Variants in LAPTM5 observed in about 807,000 individuals in gnomAD.
The protein encoded by LAPTM5 is lysosomal-associated transmembrane protein 5.
LAPTM5 carries 11 observed loss-of-function variants against 30.1 expected under a neutral mutation model. The observed-to-expected ratio is 0.37, with a 90% confidence interval of 0.23 to 0.60. LAPTM5 has a LOEUF of 0.60. LAPTM5 is among the 20% of genes least tolerant of loss of function. LAPTM5 has a pLI of 0.71. For missense variants in LAPTM5, 324 were observed against 332.5 expected (o/e 0.97, Z 0.20); for synonymous variants, 151 against 137.9 (o/e 1.10, Z -0.67).
rs1178539632 is a variant in LAPTM5, at chr1:30,746,042, C to A, written c.88-3493G>T. On this transcript the variant is annotated intron_variant, in intron 1 of 7. Coordinates refer to ENST00000294507, the MANE Select transcript of LAPTM5 (RefSeq NM_006762.3). The surrounding 1 kb of genome is among the most constrained non-coding windows in gnomAD (Gnocchi z 4.0). The stretch of plus-strand genomic sequence containing the variant: ...AGGATCTCTCTAGCCATCTGCCCAC[C>A]CTTCCCTGGCAACCAAGCCCCAGCC... 1.3e-5 allele frequency: 2 copies of A among 152,298 alleles called. No homozygotes were observed. The highest frequency in any genetic ancestry group is 4.8e-5 in the African/African-American group (2 of 41,430). 9.4% of individuals were successfully genotyped at this position (152,298 alleles called of 1,614,324 possible).
chr1:30,737,436 A>G (rs945170069), intron 6 of LAPTM5, among the ~76,000 whole-genome samples, 168 bp downstream of exon 6: 1 of 152,202 alleles, frequency 6.6e-6, no homozygotes, highest in Admixed American at 6.5e-5. Context: ...GAGGATCCCA[A>G]GTAAAGTCAG....
intron 1 of LAPTM5, among the ~76,000 whole-genome samples, chr1:30,756,748 T>C (rs1250667567): frequency 1.3e-5 from 2 of 152,154 alleles, no homozygotes; most frequent in Admixed American, 6.5e-5. Flanking sequence ...AGGCTAATTT[T>C]GAGGAAGCCC....
chr1:30,756,245 C>T (rs1164600125), intron 1 of LAPTM5, among the ~76,000 whole-genome samples: 1 of 152,218 alleles, frequency 6.6e-6, no homozygotes, highest in African/African-American at 2.4e-5. Context: ...GAGTGATTTG[C>T]TTCTCTCAGC....
At position 30,735,184 on chromosome 1, in the gene LAPTM5, T is replaced by C. The variant is rs751366621; in HGVS notation, c.688A>G (p.Met230Val). 4 of 1,613,056 alleles carry C rather than the reference T, an allele frequency of 2.5e-6. No homozygotes were observed. The East Asian group carries it at 8.9e-5, about 36-fold the overall frequency. ...NSVEEKRNSK[M>V]LQKVVLPSYE... ...GCAGCCACACTCACCTTCTGGAGCA[T>C]CTTGGAGTTTCTCTTCTCCTCCACC... is the stretch of plus-strand genomic sequence containing the variant. Residue 230 changes from methionine (M) to valine (V), a missense_variant, in exon 7 of 8, where the codon ATG (methionine) becomes GTG (valine). By Grantham distance (21) the Met-to-Val change is conservative. Coordinates refer to ENST00000294507, the MANE Select transcript of LAPTM5 (RefSeq NM_006762.3).
In LAPTM5 at chr1:30,739,721, A is replaced by T; in HGVS notation, c.387+88T>A. 1 of 1,434,130 alleles carries T rather than the reference A, an allele frequency of 7.0e-7. No individual in the cohort carries two copies. The highest frequency in any genetic ancestry group is 9.3e-7 in the Non-Finnish European group (1 of 1,080,862). 88.8% of individuals were successfully genotyped at this position (1,434,130 alleles called of 1,614,324 possible). On this transcript the variant is annotated intron_variant, in intron 4 of 7. Coordinates refer to ENST00000294507, the MANE Select transcript of LAPTM5 (RefSeq NM_006762.3). The surrounding 1 kb of genome is among the most constrained non-coding windows in gnomAD (Gnocchi z 4.2). Reference sequence around the variant, plus strand: ...GAGGGCTCCTACCCTCCCCAGCCTGAGCACAGGGCCCGTGTCTGGTCCCCT... The same window carrying T: ...GAGGGCTCCTACCCTCCCCAGCCTGTGCACAGGGCCCGTGTCTGGTCCCCT...
Position 30,739,854 on chromosome 1 carries a change from G to A in LAPTM5, c.342C>T (p.Tyr114=), listed in dbSNP as rs1639943249. Residue 114 remains tyrosine, a synonymous_variant, in exon 4 of 8, where the codon TAC becomes TAT. Coordinates refer to ENST00000294507, the MANE Select transcript of LAPTM5 (RefSeq NM_006762.3). The surrounding 1 kb of genome is among the most constrained non-coding windows in gnomAD (Gnocchi z 4.2). ...ACTTGAGGTAGGCGGGCAGCTCAAT[G>A]TAGGAGCCCAGCAGGGTGAGCAGGC... The part of the protein sequence containing the change: ...LLCLLTLLGS[Y]IELPAYLKLA... 2 of 1,608,264 alleles carry A rather than the reference G, an allele frequency of 1.2e-6. No homozygotes were observed. Among genetic ancestry groups the A allele is most frequent in the Non-Finnish European group, 1.7e-6 (2 of 1,177,014 alleles).
chr1:30,750,528 G>A (rs182493052), intron 1 of LAPTM5, among the ~76,000 whole-genome samples: 1 of 152,282 alleles, frequency 6.6e-6, no homozygotes, highest in East Asian at 1.9e-4. Context: ...TTGAGAGACA[G>A]GTTCTAACAT....
chr1:30,738,010 A>G (rs909557531), intron 5 of LAPTM5, among the ~76,000 whole-genome samples: 9 of 152,200 alleles, frequency 5.9e-5, no homozygotes, highest in African/African-American at 2.2e-4. Flanking sequence ...CTTCTCTACA[A>G]GATCATTTTG....
chr1:30,748,784 G>A (rs771717894), intron 1 of LAPTM5, among the ~76,000 whole-genome samples: 17 of 152,254 alleles, frequency 1.1e-4, no homozygotes, highest in Admixed American at 3.3e-4. Flanking sequence ...CTCACCCGCC[G>A]CCTCCACCTC....
At chr1:30,743,797 T>TTTTC in intron 1 of LAPTM5, among the ~76,000 whole-genome samples, 1 of 142,536 alleles carries the variant, frequency 7.0e-6, no homozygotes, top group Middle Eastern at 3.7e-3. Flanking sequence ...CTGTGTGGGT[T>TTTTC]TTTTTTTTTT....
In LAPTM5 at chr1:30,737,630, C is replaced by T. The variant is rs993589876; in HGVS notation, c.580G>A (p.Ala194Thr). 8.1e-6 allele frequency: 13 copies of T among 1,613,112 alleles called. No homozygotes were observed. The highest frequency in any genetic ancestry group is 2.7e-5 in the African/African-American group (2 of 74,852). ...FIKMMIIFSIAFITVLIFKVY... is the reference protein window; with the variant it reads ...FIKMMIIFSITFITVLIFKVY... ...TTGAAGATAAGGACAGTGATGAAGG[C>T]GATGGAAAAGATGATCATCATCTTG... Residue 194 changes from alanine to threonine, a missense_variant, in exon 6 of 8, where the codon GCC becomes ACC. Ala to Thr is a moderately conservative substitution (Grantham distance 58, BLOSUM62 0). Transcript: ENST00000294507.
chr1:30,744,622 G>A (rs1640018060), intron 1 of LAPTM5, among the ~76,000 whole-genome samples: 1 of 152,148 alleles, frequency 6.6e-6, no homozygotes, highest in Non-Finnish European at 1.5e-5. Context: ...GAGCCTGCAT[G>A]TACTTGTTTT....
intron 1 of LAPTM5, among the ~76,000 whole-genome samples, chr1:30,750,959 G>T (rs1039484877): frequency 6.6e-6 from 1 of 152,224 alleles, no homozygotes; most frequent in African/African-American, 2.4e-5. Flanking sequence ...GGTGCTTTGT[G>T]CCACTTCCCT....
chr1:30,745,295 C>T (rs1640026165), intron 1 of LAPTM5, among the ~76,000 whole-genome samples: 1 of 152,204 alleles, frequency 6.6e-6, no homozygotes, highest in African/African-American at 2.4e-5. Context: ...ATATGCAGGG[C>T]TAGGGTTCAA....
At chr1:30,751,775 AC>A (rs913010745) in intron 1 of LAPTM5, among the ~76,000 whole-genome samples, 2 of 152,074 alleles carry the variant, frequency 1.3e-5, no homozygotes, top group Non-Finnish European at 1.5e-5. Flanking sequence ...TTCTTCTTCC[AC>A]AGCCCACTTC....
chr1:30,745,733 G>A (rs994277340), intron 1 of LAPTM5, among the ~76,000 whole-genome samples: 2 of 152,228 alleles, frequency 1.3e-5, no homozygotes, highest in East Asian at 3.8e-4. Flanking sequence ...GAGGAAGCTC[G>A]GCTCTCCAGG....
intron 1 of LAPTM5, among the ~76,000 whole-genome samples, chr1:30,754,100 C>T (rs184218857): frequency 7.2e-4 from 110 of 152,278 alleles, no homozygotes; most frequent in African/African-American, 2.6e-3. Flanking sequence ...AGTGGAATTC[C>T]GGGCACTCTG....
intron 1 of LAPTM5, among the ~76,000 whole-genome samples, chr1:30,752,312 G>C (rs1640148773): frequency 6.6e-6 from 1 of 152,184 alleles, no homozygotes; most frequent in African/African-American, 2.4e-5. Context: ...GAGCTGATAG[G>C]CCGAAGAGAG....
intron 1 of LAPTM5, among the ~76,000 whole-genome samples, chr1:30,750,497 C>T (rs1213149300): frequency 2.0e-5 from 3 of 152,194 alleles, no homozygotes; most frequent in South Asian, 2.1e-4. Flanking sequence ...TACACTCTCT[C>T]GTGTCAACCT....
Sources: gnomAD v4.1 joint callset for allele counts (sites outside exome capture counted in the v4.1 genomes callset) on GRCh38, gnomAD v4.1.1 for gene constraint, Gnocchi (gnomAD v3.1) non-coding constraint, MANE v1.5 for transcripts, NCBI Gene and HGNC (gene_info 2026-07-23, HGNC 2026-07-21) for gene names.